The following CNGB3 variants were observed in gnomAD, a reference collection of about 807,000 sequenced individuals.
The protein encoded by CNGB3 is cyclic nucleotide gated channel subunit beta 3.
Under a neutral mutation model 92.8 loss-of-function variants are expected in CNGB3, and 86 were observed. The ratio of observed to expected loss-of-function variants is 0.93; its 90% CI spans 0.78 to 1.11. CNGB3 has a LOEUF of 1.11. CNGB3 is among the 50% of genes least tolerant of loss of function. The pLI is 0.00. For missense variants in CNGB3, 1,026 were observed against 956.8 expected (o/e 1.07, Z -0.95); for synonymous variants, 333 against 332.7 (o/e 1.00, Z -0.01).
chr8:86,625,171 A>T (rs1351220732), intron 13 of CNGB3, among the ~76,000 whole-genome samples: 2 of 152,164 alleles, frequency 1.3e-5, no homozygotes, highest in African/African-American at 4.8e-5. Flanking sequence ...ATGTGAGAAC[A>T]ACCTATACAA....
intron 3 of CNGB3, among the ~76,000 whole-genome samples, chr8:86,691,718 T>C (rs1305609194): frequency 6.6e-6 from 1 of 152,182 alleles, no homozygotes; most frequent in African/African-American, 2.4e-5. Flanking sequence ...TTTGTTTCAA[T>C]TTCATTTAGT....
chr8:86,644,493 T>C (rs1823255365), intron 9 of CNGB3, 129 bp downstream of exon 9: 1 of 1,252,418 alleles, frequency 8.0e-7, no homozygotes, highest in African/African-American at 1.5e-5. Context: ...TAGTCCTATA[T>C]TTTATATAGC....
intron 2 of CNGB3, among the ~76,000 whole-genome samples, chr8:86,735,057 T>G (rs1042927380): frequency 6.9e-5 from 10 of 145,056 alleles, no homozygotes; most frequent in South Asian, 2.2e-4. Context: ...TTTTTTTTTT[T>G]TTTTTTTTTT....
chr8:86,600,322 G>T (rs1174169361), intron 15 of CNGB3, among the ~76,000 whole-genome samples: 1 of 152,152 alleles, frequency 6.6e-6, no homozygotes, highest in Non-Finnish European at 1.5e-5. Flanking sequence ...GACAGTGATT[G>T]TTTCTTGTTC....
chr8:86,683,503 G>T (rs935008147), intron 3 of CNGB3, among the ~76,000 whole-genome samples: 1 of 152,180 alleles, frequency 6.6e-6, no homozygotes, highest in Non-Finnish European at 1.5e-5. Flanking sequence ...CTCAGCAAGA[G>T]AACTGTACTG....
chr8:86,720,085 A>G (rs1481606107), intron 3 of CNGB3, among the ~76,000 whole-genome samples: 2 of 152,170 alleles, frequency 1.3e-5, no homozygotes, highest in East Asian at 1.9e-4. Context: ...ACACTGGCCT[A>G]GGAAAAGACT....
intron 15 of CNGB3, among the ~76,000 whole-genome samples, chr8:86,600,677 T>C (rs1822277938): frequency 6.7e-6 from 1 of 149,982 alleles, no homozygotes; most frequent in Non-Finnish European, 1.5e-5. Context: ...TGGCGCGATC[T>C]CGGCTCACTG....
chr8:86,639,495 G>A (rs1823138693), intron 10 of CNGB3, among the ~76,000 whole-genome samples: 1 of 152,014 alleles, frequency 6.6e-6, no homozygotes, highest in African/African-American at 2.4e-5. Context: ...AATGTTCACA[G>A]TGTTCCATTT....
intron 2 of CNGB3, among the ~76,000 whole-genome samples, chr8:86,732,327 G>T (rs994658777): frequency 4.6e-5 from 7 of 152,148 alleles, no homozygotes; most frequent in Non-Finnish European, 8.8e-5. Flanking sequence ...TCCACAGCTG[G>T]CTGGCAACCT....
intron 10 of CNGB3, among the ~76,000 whole-genome samples, chr8:86,642,833 T>C (rs902298669): frequency 6.6e-6 from 1 of 151,596 alleles, no homozygotes; most frequent in African/African-American, 2.4e-5. Context: ...GCATACCTAA[T>C]TGTCAAGTTT....
intron 2 of CNGB3, among the ~76,000 whole-genome samples, chr8:86,728,815 TAAAG>T (rs1004398030): frequency 1.3e-4 from 20 of 152,230 alleles, no homozygotes; most frequent in Admixed American, 5.2e-4. Flanking sequence ...TTAGGACTGA[TAAAG>T]AATATGAAAT....
chr8:86,644,173 A>C (rs1823248167), intron 9 of CNGB3, among the ~76,000 whole-genome samples: 1 of 151,400 alleles, frequency 6.6e-6, no homozygotes, highest in Non-Finnish European at 1.5e-5. Context: ...CTTCAGTTTA[A>C]GTCCCATAAA....
In CNGB3 at chr8:86,654,031, C is replaced by T. The variant is rs778013642; in HGVS notation, c.884G>A (p.Arg295Lys). The stretch of plus-strand genomic sequence containing the variant: ...ACCTACCTGAAATTTTGTAGAAGTC[C>T]TGTAGTGTTTCCTTAGCTCATTTGA... ...VDSNELRKHY[R>K]TSTKFQLDVA... is the part of the protein sequence containing the mutation. The change falls in exon 7 of 18, where the codon AGG becomes AAG. Residue 295 changes from arginine (R) to lysine (K), a missense_variant. Physicochemically the swap from Arg to Lys is conservative, Grantham distance 26. Transcript: ENST00000320005. 2.1e-5 allele frequency: 34 copies of T among 1,602,862 alleles called. No homozygotes were observed. Among genetic ancestry groups the T allele is most frequent in the Admixed American group, 3.3e-5 (2 of 59,964 alleles).
rs146828510 is a variant in CNGB3, at chr8:86,667,017, G to A, written c.760C>T (p.Leu254Phe). The A allele has an allele frequency of 7.4e-6, 12 of 1,613,948 alleles. No homozygotes were observed. Among genetic ancestry groups the A allele is most frequent in the Non-Finnish European group, 1.0e-5 (12 of 1,179,962 alleles). Residue 254 changes from leucine (L) to phenylalanine (F), a missense_variant, in exon 6 of 18, where the codon CTT becomes TTT. Coordinates refer to ENST00000320005, the MANE Select transcript of CNGB3 (RefSeq NM_019098.5). ...ATATCACATATGATGTCCGCAATAA[G>A]CCAGTAGTGTATGTTGTCTGCGGTT... ...YQTADNIHYW[L>F]IADIICDIIY...
At position 86,594,113 on chromosome 8, in the gene CNGB3, T is replaced by C. The variant is rs374236619; in HGVS notation, c.1781+9980A>G. On this transcript the variant is annotated intron_variant, in intron 15 of 17. Coordinates refer to ENST00000320005, the MANE Select transcript of CNGB3 (RefSeq NM_019098.5). The stretch of plus-strand genomic sequence containing the variant: ...TGGAGGTCGGGATTGTCCTGAAAAG[T>C]GGACTTACAAAACCACGGAGGTCTG... The C allele has an allele frequency of 5.5e-4, 166 of 302,528 alleles. 1 individual carries two copies. Among genetic ancestry groups the C allele is most frequent in the African/African-American group, 3.4e-3 (157 of 46,080 alleles). The allele number at this position is 302,528 out of a possible 1,614,324, so 18.7% of individuals were successfully genotyped here. A position where few individuals can be genotyped will look rare whatever the true frequency, so the allele number is the denominator to read the frequency against.
chr8:86,714,958 A>C (rs1430411209), intron 3 of CNGB3, among the ~76,000 whole-genome samples: 1 of 151,442 alleles, frequency 6.6e-6, no homozygotes, highest in Non-Finnish European at 1.5e-5. Flanking sequence ...TGGAAACCAC[A>C]CTCCCATCCC....
At chr8:86,583,779 G>A (rs1331296782) in intron 15 of CNGB3, among the ~76,000 whole-genome samples, 1 of 151,928 alleles carries the variant, frequency 6.6e-6, no homozygotes, top group Non-Finnish European at 1.5e-5. Context: ...AGTTAGCTGG[G>A]CATCGTGGCA....
At chr8:86,683,369 G>T (rs1166797903) in intron 3 of CNGB3, among the ~76,000 whole-genome samples, 1 of 152,036 alleles carries the variant, frequency 6.6e-6, no homozygotes, top group Non-Finnish European at 1.5e-5. Context: ...TGGGTATGTG[G>T]GTGAAATTTA....
intron 3 of CNGB3, among the ~76,000 whole-genome samples, chr8:86,691,296 G>C (rs1824306773): frequency 6.6e-6 from 1 of 151,992 alleles, no homozygotes; most frequent in African/African-American, 2.4e-5. Context: ...GGTTTTCTAG[G>C]TATACAATCA....
Sources: gnomAD v4.1 joint callset for allele counts (sites outside exome capture counted in the v4.1 genomes callset) on GRCh38, gnomAD v4.1.1 for gene constraint, MANE v1.5 for transcripts, NCBI Gene and HGNC (gene_info 2026-07-23, HGNC 2026-07-21) for gene names.